The following PLD5 variants were observed in gnomAD, a reference collection of about 807,000 sequenced individuals.
The protein encoded by PLD5 is inactive phospholipase D5.
A neutral mutation model predicts 61.1 loss-of-function variants in PLD5; 36 were observed. The ratio of observed to expected loss-of-function variants is 0.59; its 90% CI spans 0.45 to 0.78. The LOEUF (loss-of-function observed/expected upper bound fraction) is 0.78. Among genes scored for constraint, PLD5 ranks in the 30% least tolerant of loss-of-function variants. The pLI, the probability that PLD5 is intolerant of heterozygous loss-of-function variation, is 0.00. For missense variants in PLD5, 515 were observed against 644.4 expected, an observed-to-expected ratio of 0.80 and a Z score of 2.17; for synonymous variants, 243 against 242.8, an observed-to-expected ratio of 1.00 and a Z score of -0.01.
rs1558328805 is a variant in PLD5 at position 242,194,622 on chromosome 1, C to CTATCTATCTATCTATG, written c.735+25365_735+25366insCATAGATAGATAGATA. On this transcript the variant is annotated intron_variant, in intron 5 of 9. Transcript: ENST00000536534. The stretch of plus-strand genomic sequence containing the variant: ...TCTATCTATGTATCTATCTATGTAT[C>CTATCTATCTATCTATG]TATCTATCTATCTATCTATCTATCT... Among the ~76,000 whole-genome samples, 33 of 87,232 alleles carry CTATCTATCTATCTATG rather than the reference C, an allele frequency of 3.8e-4. 1 individual carries two copies. Among genetic ancestry groups the CTATCTATCTATCTATG allele is most frequent in the South Asian group, 7.6e-4 (2 of 2,638 alleles). The allele number at this position is 87,232 out of a possible 152,430, so 57.2% of individuals were successfully genotyped here. A position where few individuals can be genotyped will look rare whatever the true frequency, so the allele number is the denominator to read the frequency against.
chr1:242,313,122 A>AC (rs1223230156), intron 2 of PLD5, among the ~76,000 whole-genome samples: 2 of 152,220 alleles, frequency 1.3e-5, no homozygotes, highest in Non-Finnish European at 2.9e-5. Flanking sequence ...ATCTCAATAA[A>AC]CTTTGGCCAC....
intron 3 of PLD5, among the ~76,000 whole-genome samples, chr1:242,287,408 A>G (rs1675088094): frequency 6.6e-6 from 1 of 152,246 alleles, no homozygotes; most frequent in African/African-American, 2.4e-5. Flanking sequence ...ACTTTAGTAG[A>G]GATGGAAAAG....
In PLD5 at chr1:242,090,061, G is replaced by A. The variant is rs745720159; in HGVS notation, c.1404C>T (p.Gly468=). The change falls in exon 10 of 10, where the codon GGC becomes GGT. Residue 468 remains glycine (G), a synonymous_variant. Transcript: ENST00000536534. ...GNDFTQNAGT[G]LVINQADVRN... is the part of the protein sequence containing the mutation. ...TCACATCTGCCTGGTTGATAACAAG[G>A]CCCGTGCCAGCATTCTGAGTGAAAT... The A allele has an allele frequency of 6.2e-6, 10 of 1,614,104 alleles. No individual in the cohort carries two copies. The highest frequency in any genetic ancestry group is 8.5e-6 in the Non-Finnish European group (10 of 1,180,020).
At chr1:242,450,510 C>A (rs556277371) in intron 1 of PLD5, among the ~76,000 whole-genome samples, 7 of 152,192 alleles carry the variant, frequency 4.6e-5, no homozygotes, top group African/African-American at 1.7e-4. Context: ...GGTTGGGTTC[C>A]TTTTTTTACT....
intron 1 of PLD5, among the ~76,000 whole-genome samples, chr1:242,354,908 A>AT (rs1660676737): frequency 6.6e-6 from 1 of 151,938 alleles, no homozygotes; most frequent in Non-Finnish European, 1.5e-5. Context: ...TTTTCTGTCA[A>AT]TGTGGTGTAT....
chr1:242,353,839 G>C (rs536724664), intron 1 of PLD5, among the ~76,000 whole-genome samples: 2 of 151,414 alleles, frequency 1.3e-5, no homozygotes, highest in Admixed American at 1.3e-4. Flanking sequence ...TCACCTCCTT[G>C]ATTAAATTTA....
chr1:242,260,474 T>C (rs955994541), intron 4 of PLD5, among the ~76,000 whole-genome samples: 1 of 152,204 alleles, frequency 6.6e-6, no homozygotes, highest in East Asian at 1.9e-4. Flanking sequence ...ACATCTCATT[T>C]AGCTTGTTTG....
chr1:242,341,112 A>G (rs1659806772), intron 2 of PLD5, among the ~76,000 whole-genome samples: 2 of 152,062 alleles, frequency 1.3e-5, no homozygotes, highest in African/African-American at 2.4e-5. Flanking sequence ...TGCTGTTGCC[A>G]AAAAGCAAGG....
At chr1:242,367,338 A>G (rs1661400194) in intron 1 of PLD5, among the ~76,000 whole-genome samples, 1 of 152,174 alleles carries the variant, frequency 6.6e-6, no homozygotes, top group South Asian at 2.1e-4. Flanking sequence ...GGCAACAGAG[A>G]GACAGAAATG....
At chr1:242,319,810 C>A (rs537786227) in intron 2 of PLD5, among the ~76,000 whole-genome samples, 2 of 152,324 alleles carry the variant, frequency 1.3e-5, no homozygotes, top group South Asian at 4.1e-4. Context: ...TCACTGAGGA[C>A]AAGTTGAATG....
intron 4 of PLD5, among the ~76,000 whole-genome samples, chr1:242,226,730 C>T (rs1558369354): frequency 6.6e-6 from 1 of 152,172 alleles, no homozygotes; most frequent in African/African-American, 2.4e-5. Context: ...CCAAATTACT[C>T]ATTATAACTC....
intron 2 of PLD5, among the ~76,000 whole-genome samples, chr1:242,314,326 C>T (rs1676880513): frequency 6.6e-6 from 1 of 152,204 alleles, no homozygotes; most frequent in Admixed American, 6.5e-5. Context: ...ACAAGTAGGT[C>T]TGGCCAGCAT....
In PLD5 at chr1:242,155,207, T is replaced by C. The variant is rs151162438; in HGVS notation, c.736-30542A>G. Among the ~76,000 whole-genome samples the C allele has an allele frequency of 3.7e-3, 559 of 152,046 alleles. 2 individuals are homozygous for C. Among genetic ancestry groups the C allele is most frequent in the Admixed American group, 5.1e-3 (78 of 15,246 alleles). ...ATCCGTGGTGATATCCCCTGTATAATTTTTTTTGTGTGTCTATTTGATTCT... is the reference window on the plus strand; with the variant it reads ...ATCCGTGGTGATATCCCCTGTATAACTTTTTTTGTGTGTCTATTTGATTCT... On this transcript the variant is annotated intron_variant, in intron 5 of 9. Transcript: ENST00000536534.
At chr1:242,197,632 ACTTTT>A (rs1483694787) in intron 5 of PLD5, among the ~76,000 whole-genome samples, 52 of 141,474 alleles carry the variant, frequency 3.7e-4, no homozygotes, top group South Asian at 4.4e-4. Context: ...TTAATTGCAC[ACTTTT>A]TTTTTTTTTT....
intron 5 of PLD5, among the ~76,000 whole-genome samples, chr1:242,199,024 G>A (rs928716606): frequency 1.3e-5 from 2 of 152,204 alleles, no homozygotes; most frequent in African/African-American, 2.4e-5. Context: ...ATGAGCCACT[G>A]TGCCCTGCCT....
At chr1:242,456,417 A>G (rs980939750) in intron 1 of PLD5, among the ~76,000 whole-genome samples, 1 of 152,244 alleles carries the variant, frequency 6.6e-6, no homozygotes, top group African/African-American at 2.4e-5. Flanking sequence ...TGAAAGGCAC[A>G]CATTTAGAAC....
intron 5 of PLD5, among the ~76,000 whole-genome samples, chr1:242,181,367 A>G (rs1392524097): frequency 2.0e-5 from 3 of 152,232 alleles, no homozygotes; most frequent in Non-Finnish European, 4.4e-5. Flanking sequence ...ACAAATGTTT[A>G]TATGTGTAAA....
chr1:242,207,195 A>C (rs575920514), intron 5 of PLD5, among the ~76,000 whole-genome samples: 1 of 152,148 alleles, frequency 6.6e-6, no homozygotes, highest in Non-Finnish European at 1.5e-5. Context: ...TGACCAAACA[A>C]CTGGGCACCG....
chr1:242,209,117 T>C (rs891425336), intron 5 of PLD5: 2 of 152,288 alleles, frequency 1.3e-5, no homozygotes, highest in Admixed American at 6.5e-5. Context: ...GCCCTGTGGG[T>C]TGAAGACCGC....
Sources: allele counts gnomAD v4.1 joint callset (sites outside exome capture counted in the v4.1 genomes callset), GRCh38; gene constraint gnomAD v4.1.1; transcripts MANE v1.5; gene names NCBI Gene and HGNC (gene_info 2026-07-23, HGNC 2026-07-21).